GOLGA3: variants seen among roughly 807,000 people sequenced by gnomAD.
GOLGA3 encodes the protein golgin subfamily A member 3.
A neutral mutation model predicts 169.4 loss-of-function variants in GOLGA3; 75 were observed. The ratio of observed to expected loss-of-function variants is 0.44; its 90% CI spans 0.37 to 0.54. The LOEUF is 0.54. Ranked by LOEUF, GOLGA3 falls within the 20% of genes least tolerant of loss-of-function variation. The probability of loss-of-function intolerance (pLI) is 0.00; values close to 1 mark genes in which losing one functional copy is unlikely to be tolerated. For missense variants in GOLGA3, 1,899 were observed against 1,930.0 expected, an observed-to-expected ratio of 0.98 and a Z score of 0.30; for synonymous variants, 824 against 822.4, an observed-to-expected ratio of 1.00 and a Z score of -0.03.
At position 132,775,020 on chromosome 12, in the gene GOLGA3, T is replaced by C. The variant is rs760189123; in HGVS notation, c.4143+121A>G. ...CCATTACCACTGACTACACAGCAGCTGCTCAGTGTGGGCTCAACAAATCCG... is the reference window on the plus strand; with the variant it reads ...CCATTACCACTGACTACACAGCAGCCGCTCAGTGTGGGCTCAACAAATCCG... On this transcript the variant is annotated intron_variant, in intron 22 of 23. Coordinates refer to ENST00000450791, the MANE Select transcript of GOLGA3 (RefSeq NM_001389683.1). 29 of 748,144 alleles carry C rather than the reference T, an allele frequency of 3.9e-5. No homozygotes were observed. The African/African-American group carries it at 4.0e-4, about 10-fold the overall frequency. The allele number at this position is 748,144 out of a possible 1,614,324, so 46.3% of individuals were successfully genotyped here.
chr12:132,799,635 C>T (rs1477092090), intron 8 of GOLGA3, among the ~76,000 whole-genome samples: 2 of 152,056 alleles, frequency 1.3e-5, no homozygotes, highest in Non-Finnish European at 2.9e-5. Flanking sequence ...AGGGCAAGAC[C>T]CTGTCTCCGA....
At chr12:132,798,280 C>G in intron 9 of GOLGA3, 60 bp downstream of exon 9, 2 of 1,474,872 alleles carry the variant, frequency 1.4e-6, no homozygotes, top group East Asian at 4.7e-5. Flanking sequence ...AGAAAACACA[C>G]ATGGTATCGA....
chr12:132,827,411 A>G (rs1313713868), intron 1 of GOLGA3, among the ~76,000 whole-genome samples: 2 of 152,246 alleles, frequency 1.3e-5, no homozygotes, highest in East Asian at 1.9e-4. Context: ...CCTGGGCTAA[A>G]GATTTCTTAA....
intron 2 of GOLGA3, among the ~76,000 whole-genome samples, chr12:132,819,385 T>C (rs1164836301): frequency 6.6e-6 from 1 of 152,046 alleles, no homozygotes; most frequent in African/African-American, 2.4e-5. Flanking sequence ...AAGACTTAGC[T>C]GGGCGTGGTG....
rs1949653004 is a variant in GOLGA3 at position 132,810,601 on chromosome 12, T to A, written c.520-2052A>T. Reference sequence around the variant, plus strand: ...GGAGCTGAGGGGACACAGTGAGAAGTGACCAGAAGACAAGTGCGAGCCTTC... The same window carrying A: ...GGAGCTGAGGGGACACAGTGAGAAGAGACCAGAAGACAAGTGCGAGCCTTC... On this transcript the variant is annotated intron_variant, in intron 4 of 23. Coordinates refer to ENST00000450791, the MANE Select transcript of GOLGA3 (RefSeq NM_001389683.1). 2.0e-5 allele frequency among the ~76,000 whole-genome samples: 3 copies of A among 152,122 alleles called. No individual in the cohort carries two copies. In the South Asian group the frequency reaches 6.2e-4, roughly 32 times the overall value.
intron 4 of GOLGA3, among the ~76,000 whole-genome samples, chr12:132,812,208 CACACATAT>C (rs1949750952): frequency 8.3e-6 from 1 of 120,100 alleles, no homozygotes; most frequent in Non-Finnish European, 2.0e-5. Flanking sequence ...CACACACACA[CACACATAT>C]ATATATATAT....
chr12:132,784,049 T>TG (rs2045761285), intron 16 of GOLGA3, 115 bp downstream of exon 16: 5 of 1,542,844 alleles, frequency 3.2e-6, no homozygotes. Context: ...ACACCAAAAG[T>TG]AGCAACGCTG....
intron 16 of GOLGA3, among the ~76,000 whole-genome samples, chr12:132,783,065 G>A (rs1166962854): frequency 1.3e-5 from 2 of 152,012 alleles, no homozygotes; most frequent in Non-Finnish European, 2.9e-5. Context: ...GTGTGGTGGC[G>A]ATCACCTGTA....
chr12:132,828,912 G>C (rs1007626440), upstream of GOLGA3: 1 of 152,258 alleles, frequency 6.6e-6, no homozygotes, highest in African/African-American at 2.4e-5. Context: ...CCCGGAAACA[G>C]CCTGCACGCG....
intron 2 of GOLGA3, among the ~76,000 whole-genome samples, chr12:132,819,692 A>G (rs1345143777): frequency 1.3e-5 from 2 of 152,162 alleles, no homozygotes; most frequent in Non-Finnish European, 2.9e-5. Flanking sequence ...TTTCATGCAA[A>G]GGACCCGTGA....
intron 4 of GOLGA3, among the ~76,000 whole-genome samples, chr12:132,812,495 G>T (rs1464926593): frequency 1.3e-5 from 2 of 152,146 alleles, no homozygotes; most frequent in East Asian, 1.9e-4. Context: ...CATTCTAGAT[G>T]CCATTAAAAA....
intron 2 of GOLGA3, among the ~76,000 whole-genome samples, chr12:132,817,477 C>T (rs1254403184): frequency 1.9e-5 from 1 of 52,800 alleles, no homozygotes; most frequent in Non-Finnish European, 4.1e-5. Context: ...TAAGGTGAAC[C>T]CGCCCTCCAC....
chr12:132,792,808 C>A (rs549484007), intron 11 of GOLGA3, among the ~76,000 whole-genome samples: 1 of 124,982 alleles, frequency 8.0e-6, no homozygotes, highest in Non-Finnish European at 1.7e-5. Context: ...GGACCCACCC[C>A]ACGGGATCTC....
chr12:132,807,332 T>C (rs1380097916), intron 5 of GOLGA3, 44 bp from the exon 6 acceptor site: 5 of 1,103,244 alleles, frequency 4.5e-6, no homozygotes, highest in Non-Finnish European at 6.6e-6. Context: ...GCCATCCTCA[T>C]TTTCTTTCAC....
Position 132,774,152 on chromosome 12 carries a change from C to A in GOLGA3, c.4307+5G>T. ...GCTGAAGTGCAGCACGGAATACGGTCGTACTTGAGCTGCTGGAGGCAGCTG... is the reference window on the plus strand; with the variant it reads ...GCTGAAGTGCAGCACGGAATACGGTAGTACTTGAGCTGCTGGAGGCAGCTG... On this transcript the variant is annotated splice_donor_5th_base_variant and intron_variant, in intron 23 of 23. Coordinates refer to ENST00000450791, the MANE Select transcript of GOLGA3 (RefSeq NM_001389683.1). The A allele has an allele frequency of 6.3e-7, 1 of 1,585,256 alleles. No individual in the cohort carries two copies. Among genetic ancestry groups the A allele is most frequent in the Non-Finnish European group, 8.6e-7 (1 of 1,165,242 alleles).
At chr12:132,824,777 T>G (rs542499339) in intron 1 of GOLGA3, among the ~76,000 whole-genome samples, 1 of 152,184 alleles carries the variant, frequency 6.6e-6, no homozygotes. Context: ...GGATCTGAAC[T>G]ACACACCTGT....
At position 132,777,408 on chromosome 12, in the gene GOLGA3, G is replaced by A. The variant is rs2045306979; in HGVS notation, c.3722+258C>T. Among the ~76,000 whole-genome samples the A allele has an allele frequency of 6.6e-6, 1 of 152,068 alleles. No individual in the cohort carries two copies. Among genetic ancestry groups the A allele is most frequent in the Non-Finnish European group, 1.5e-5 (1 of 68,004 alleles). On this transcript the variant is annotated intron_variant, in intron 19 of 23. Transcript: ENST00000450791. This position sits in a 1 kb window ranked among gnomAD's most constrained non-coding sequence, Gnocchi z 4.7. ...GAGCCACAGCATCAGCCCCGCGCCG[G>A]GCCGCCCCTTCCCGCCTCTGACCTG...
At chr12:132,789,400 CTT>C in intron 12 of GOLGA3, 110 bp from the exon 13 acceptor site, 1 of 886,964 alleles carries the variant, frequency 1.1e-6, no homozygotes, top group Non-Finnish European at 1.7e-6. Flanking sequence ...GGGGGCATAA[CTT>C]TTTTGAGGTA....
At chr12:132,825,357 G>C (rs1950369178) in intron 1 of GOLGA3, among the ~76,000 whole-genome samples, 1 of 152,108 alleles carries the variant, frequency 6.6e-6, no homozygotes, top group South Asian at 2.1e-4. Context: ...GTCTGCCATT[G>C]CGTGTGTGCC....
Sources: allele counts gnomAD v4.1 joint callset (sites outside exome capture counted in the v4.1 genomes callset), GRCh38; gene constraint gnomAD v4.1.1; non-coding constraint Gnocchi (gnomAD v3.1); transcripts MANE v1.5; gene names NCBI Gene and HGNC (gene_info 2026-07-23, HGNC 2026-07-21).